GDPD3: variants seen among roughly 807,000 people sequenced by gnomAD.
GDPD3 encodes glycerophosphodiester phosphodiesterase domain containing 3, also known as lysophospholipase D GDPD3.
Under a neutral mutation model 43.7 loss-of-function variants are expected in GDPD3, and 40 were observed. That is an observed-to-expected ratio of 0.91 (90% CI 0.71 to 1.19). The LOEUF is 1.19. GDPD3 is among the 50% of genes most tolerant of loss of function. The probability of loss-of-function intolerance (pLI) is 0.00; values close to 1 mark genes in which losing one functional copy is unlikely to be tolerated. For synonymous variants in GDPD3, 145 were observed against 162.9 expected, an observed-to-expected ratio of 0.89 and a Z score of 0.84; for missense variants, 363 against 415.8, an observed-to-expected ratio of 0.87 and a Z score of 1.11.
chr16:30,113,221 T>C lies in GDPD3; in HGVS notation c.139+119A>G. ...AGCATCTTCTTCCTCGTCCACACCC[T>C]GCCCTGCCACTTCGCTCTCCTTCTC... On this transcript the variant is annotated intron_variant, in intron 1 of 9. Transcript: ENST00000406256. The surrounding 1 kb of genome is among the most constrained non-coding windows in gnomAD (Gnocchi z 5.9). 7.0e-7 allele frequency: 1 copy of C among 1,418,920 alleles called. No homozygotes were observed. Among genetic ancestry groups the C allele is most frequent in the Non-Finnish European group, 9.6e-7 (1 of 1,040,478 alleles). 87.9% of individuals were successfully genotyped at this position (1,418,920 alleles called of 1,614,324 possible). A position where few individuals can be genotyped will look rare whatever the true frequency, so the allele number is the denominator to read the frequency against.
chr16:30,108,454 G>T (rs1469999939), intron 7 of GDPD3, 22 bp from the exon 8 acceptor site: 2 of 1,612,596 alleles, frequency 1.2e-6, no homozygotes, highest in Non-Finnish European at 8.5e-7. Context: ...AGGAAGTGGG[G>T]GTTAGCTCCT....
intron 7 of GDPD3, chr16:30,110,860 CAA>C (rs10523466): frequency 2.4e-4 from 21 of 88,436 alleles, no homozygotes; most frequent in Middle Eastern, 6.3e-3. Context: ...AAGACTGTCT[CAA>C]AAAAAAAAAA....
chr16:30,109,051 C>G (rs56079926), intron 7 of GDPD3, among the ~76,000 whole-genome samples: 4 of 151,632 alleles, frequency 2.6e-5, no homozygotes, highest in Admixed American at 6.6e-5. Flanking sequence ...AGGATGGTCT[C>G]GATCTCCTGA....
In GDPD3 at chr16:30,112,319, T is replaced by C. The variant is rs1596873351; in HGVS notation, c.470A>G (p.Glu157Gly). 9 of 1,614,164 alleles carry C rather than the reference T, an allele frequency of 5.6e-6. No homozygotes were observed. Among genetic ancestry groups the C allele is most frequent in the East Asian group, 4.5e-5 (2 of 44,886 alleles). Residue 157 changes from glutamate to glycine, a missense_variant, in exon 5 of 10, where the codon GAG becomes GGG. Coordinates refer to ENST00000406256, the MANE Select transcript of GDPD3 (RefSeq NM_024307.3). The surrounding 1 kb of genome is among the most constrained non-coding windows in gnomAD (Gnocchi z 5.4). ...MSVEIKGKNE[E>G]LIREIAGLVR... Reference sequence around the variant, plus strand: ...CTGCAGCACCACCTCACGGATGAGCTCTTCGTTCTTCCCTTTGATCTCTAC... The same window carrying C: ...CTGCAGCACCACCTCACGGATGAGCCCTTCGTTCTTCCCTTTGATCTCTAC...
In GDPD3 at chr16:30,112,874, TGA is replaced by T; in HGVS notation, c.183-83_183-82del. 2 of 1,553,880 alleles carry T rather than the reference TGA, an allele frequency of 1.3e-6. No homozygotes were observed. On this transcript the variant is annotated intron_variant, in intron 2 of 9. Coordinates refer to ENST00000406256, the MANE Select transcript of GDPD3 (RefSeq NM_024307.3). This position sits in a 1 kb window ranked among gnomAD's most constrained non-coding sequence, Gnocchi z 5.4. ...GGTGGCTGGGAGGTGGCCGGGAATGTGAGAGCGGAGTTCGTGGCGGGATGTGC... is the reference window on the plus strand; with the variant it reads ...GGTGGCTGGGAGGTGGCCGGGAATGTGAGCGGAGTTCGTGGCGGGATGTGC...
At chr16:30,111,285 G>T (rs1008030978) in intron 7 of GDPD3, 103 bp downstream of exon 7, 2 of 1,322,504 alleles carry the variant, frequency 1.5e-6, no homozygotes, top group Non-Finnish European at 2.1e-6. Flanking sequence ...GACCTTGGGG[G>T]TTATCTCTGA....
chr16:30,113,291 C>G lies in GDPD3; in HGVS notation c.139+49G>C. On this transcript the variant is annotated intron_variant, in intron 1 of 9. Coordinates refer to ENST00000406256, the MANE Select transcript of GDPD3 (RefSeq NM_024307.3). This position sits in a 1 kb window ranked among gnomAD's most constrained non-coding sequence, Gnocchi z 5.9. ...TCTAGCATGCCCCCTTGGACCTACC[C>G]CTCTGTGCTGTCCACTTTGGCACCT... The G allele has an allele frequency of 6.4e-7, 1 of 1,557,140 alleles. No homozygotes were observed.
At position 30,108,505 on chromosome 16, in the gene GDPD3, C is replaced by T. The variant is rs893211089; in HGVS notation, c.708-73G>A. 24 of 1,365,714 alleles carry T rather than the reference C, an allele frequency of 1.8e-5. No homozygotes were observed. The African/African-American group carries it at 2.6e-4, about 15-fold the overall frequency. The allele number at this position is 1,365,714 out of a possible 1,614,324, so 84.6% of individuals were successfully genotyped here. ...CCAGAGGTGGGGTGGGCTGGTAGTG[C>T]CCCCGCCAACTAGGGTAGCGCTGCC... On this transcript the variant is annotated intron_variant, in intron 7 of 9. Coordinates refer to ENST00000406256, the MANE Select transcript of GDPD3 (RefSeq NM_024307.3).
rs2060719629 is a variant in GDPD3 at position 30,112,365 on chromosome 16, A to G, written c.424T>C (p.Phe142Leu). 1 of 1,613,636 alleles carries G rather than the reference A, an allele frequency of 6.2e-7. No homozygotes were observed. Among genetic ancestry groups the G allele is most frequent in the South Asian group, 1.1e-5 (1 of 91,038 alleles). Residue 142 changes from phenylalanine (F) to leucine (L), a missense_variant, in exon 5 of 10, where the codon TTT becomes CTT. Coordinates refer to ENST00000406256, the MANE Select transcript of GDPD3 (RefSeq NM_024307.3). This position sits in a 1 kb window ranked among gnomAD's most constrained non-coding sequence, Gnocchi z 5.4. ...MVRLEDLFQR[F>L]PRTPMSVEIK... ...TCTACGCTCATGGGTGTCCTTGGAA[A>G]CCTCTGGAACAGGTCCTCCAGACGA...
Position 30,112,076 on chromosome 16 carries a change from G to A in GDPD3, c.573+56C>T. 1.4e-5 allele frequency: 20 copies of A among 1,423,314 alleles called. No individual in the cohort carries two copies. In the South Asian group the frequency reaches 2.0e-4, roughly 14 times the overall value. 88.2% of individuals were successfully genotyped at this position (1,423,314 alleles called of 1,614,324 possible). A position where few individuals can be genotyped will look rare whatever the true frequency, so the allele number is the denominator to read the frequency against. On this transcript the variant is annotated intron_variant, in intron 6 of 9. Transcript: ENST00000406256. The surrounding 1 kb of genome is among the most constrained non-coding windows in gnomAD (Gnocchi z 5.4). ...CCCATGCTGGGTGGGCTCCAGCTCT[G>A]GGGAGGAGGGGCCCCTGGAGGAGGA...
At chr16:30,106,087 G>A (rs1182343285) in intron 9 of GDPD3, among the ~76,000 whole-genome samples, 1 of 151,872 alleles carries the variant, frequency 6.6e-6, no homozygotes, top group East Asian at 1.9e-4. Context: ...CTCTAGCCTG[G>A]GCAACAGAGC....
rs199816623 is a variant in GDPD3 at position 30,104,935 on chromosome 16, C to T, written c.894G>A (p.Thr298=). 57 of 1,612,724 alleles carry T rather than the reference C, an allele frequency of 3.5e-5. No individual in the cohort carries two copies. Among genetic ancestry groups the T allele is most frequent in the South Asian group, 4.4e-5 (4 of 91,014 alleles). The change falls in exon 10 of 10, where the codon ACG becomes ACA. Residue 298 remains threonine, a synonymous_variant. Coordinates refer to ENST00000406256, the MANE Select transcript of GDPD3 (RefSeq NM_024307.3). ...AGTGCCGCAGGGCTGTGGGATAATCCGTTATGACGCCAGTGGCTCCCACGC... is the reference window on the plus strand; with the variant it reads ...AGTGCCGCAGGGCTGTGGGATAATCTGTTATGACGCCAGTGGCTCCCACGC... ...AFSVGATGVI[T]DYPTALRHYL...
Position 30,108,409 on chromosome 16 carries a change from G to A in GDPD3, c.731C>T (p.Ser244Phe). The A allele has an allele frequency of 6.2e-7, 1 of 1,614,070 alleles. No homozygotes were observed. The highest frequency in any genetic ancestry group is 8.5e-7 in the Non-Finnish European group (1 of 1,179,996). Residue 244 changes from serine (S) to phenylalanine (F), a missense_variant, in exon 8 of 10, where the codon TCT becomes TTT. Coordinates refer to ENST00000406256, the MANE Select transcript of GDPD3 (RefSeq NM_024307.3). Reference protein sequence around the residue: ...INRTYFPFSCSCLNQLLAVVS... With the variant: ...INRTYFPFSCFCLNQLLAVVS... ...CACAGCCAATAACTGGTTCAGGCAA[G>A]AGCAGGAAAATGGGAAATAGGTCCT...
At chr16:30,107,697 AAT>A (rs1045734567) in intron 9 of GDPD3, 1 of 153,048 alleles carries the variant, frequency 6.5e-6, no homozygotes, top group Non-Finnish European at 1.5e-5. Context: ...AGGTTAAGAA[AAT>A]ATGTGCGTGG....
In GDPD3 at chr16:30,113,301, G is replaced by C. The variant is rs761361817; in HGVS notation, c.139+39C>G. 1.0e-5 allele frequency: 16 copies of C among 1,562,286 alleles called. No individual in the cohort carries two copies. Among genetic ancestry groups the C allele is most frequent in the African/African-American group, 1.4e-5 (1 of 73,850 alleles). On this transcript the variant is annotated intron_variant, in intron 1 of 9. Transcript: ENST00000406256. This position sits in a 1 kb window ranked among gnomAD's most constrained non-coding sequence, Gnocchi z 5.9. Reference sequence around the variant, plus strand: ...CCCCTTGGACCTACCCCTCTGTGCTGTCCACTTTGGCACCTGTTCTCACCC... The same window carrying C: ...CCCCTTGGACCTACCCCTCTGTGCTCTCCACTTTGGCACCTGTTCTCACCC...
chr16:30,111,700 A>G (rs762621969), intron 6 of GDPD3, 179 bp from the exon 7 acceptor site: 35 of 628,422 alleles, frequency 5.6e-5, no homozygotes, highest in Non-Finnish European at 5.3e-5. Context: ...TGGGAGGCTG[A>G]GGCAGGTGGA....
intron 9 of GDPD3, chr16:30,107,600 A>C (rs570296582): frequency 6.6e-6 from 1 of 152,132 alleles, no homozygotes; most frequent in East Asian, 1.9e-4. Context: ...ATCAGGGATC[A>C]TGATACATCA....
rs748838280 is a variant in GDPD3 at position 30,112,324 on chromosome 16, G to A, written c.465C>T (p.Asn155=). ...TPMSVEIKGK[N]EELIREIAGL... Reference sequence around the variant, plus strand: ...GCACCACCTCACGGATGAGCTCTTCGTTCTTCCCTTTGATCTCTACGCTCA... The same window carrying A: ...GCACCACCTCACGGATGAGCTCTTCATTCTTCCCTTTGATCTCTACGCTCA... The change falls in exon 5 of 10, where the codon AAC becomes AAT. Residue 155 remains asparagine (N), a synonymous_variant. Coordinates refer to ENST00000406256, the MANE Select transcript of GDPD3 (RefSeq NM_024307.3). The surrounding 1 kb of genome is among the most constrained non-coding windows in gnomAD (Gnocchi z 5.4). The A allele has an allele frequency of 7.4e-6, 12 of 1,614,042 alleles. No individual in the cohort carries two copies. Among genetic ancestry groups the A allele is most frequent in the Middle Eastern group, 1.6e-4 (1 of 6,084 alleles).
chr16:30,112,343 A>G lies in GDPD3; in HGVS notation c.446T>C (p.Val149Ala), dbSNP rs2072907338. The G allele has an allele frequency of 1.2e-6, 2 of 1,614,014 alleles. No homozygotes were observed. Among genetic ancestry groups the G allele is most frequent in the Admixed American group, 1.7e-5 (1 of 60,004 alleles). The change falls in exon 5 of 10, where the codon GTA becomes GCA. Residue 149 changes from valine (V) to alanine (A), a missense_variant. By Grantham distance (64) the Val-to-Ala change is moderately conservative (BLOSUM62 0). Coordinates refer to ENST00000406256, the MANE Select transcript of GDPD3 (RefSeq NM_024307.3). This position sits in a 1 kb window ranked among gnomAD's most constrained non-coding sequence, Gnocchi z 5.4. ...FQRFPRTPMS[V>A]EIKGKNEELI... ...CTCTTCGTTCTTCCCTTTGATCTCT[A>G]CGCTCATGGGTGTCCTTGGAAACCT... is the stretch of plus-strand genomic sequence containing the variant.
Sources: gnomAD v4.1 joint callset for allele counts (sites outside exome capture counted in the v4.1 genomes callset) on GRCh38, gnomAD v4.1.1 for gene constraint, Gnocchi (gnomAD v3.1) non-coding constraint, MANE v1.5 for transcripts, NCBI Gene and HGNC (gene_info 2026-07-23, HGNC 2026-07-21) for gene names.